RIMS2: variants seen among roughly 807,000 people sequenced by gnomAD.
RIMS2 encodes regulating synaptic membrane exocytosis 2, also known as regulating synaptic membrane exocytosis protein 2.
RIMS2 carries 59 observed loss-of-function variants against 174.4 expected under a neutral mutation model. That is an observed-to-expected ratio of 0.34 (90% CI 0.27 to 0.42). The LOEUF is 0.42. RIMS2 is among the 10% of genes least tolerant of loss of function. The pLI, the probability that RIMS2 is intolerant of heterozygous loss-of-function variation, is 1.00. For missense variants in RIMS2, 1,620 were observed against 1,666.3 expected, an observed-to-expected ratio of 0.97 and a Z score of 0.48; for synonymous variants, 606 against 572.5, an observed-to-expected ratio of 1.06 and a Z score of -0.84.
exon 1 of RIMS2, chr8:103,500,826 T>A: frequency 8.7e-7 from 1 of 1,149,690 alleles, no homozygotes; most frequent in Non-Finnish European, 1.2e-6. Flanking sequence ...GCCGCGCCGG[T>A]GCCGCCGCTG....
chr8:103,910,975 G>A (rs2075565833), intron 5 of RIMS2, among the ~76,000 whole-genome samples: 1 of 151,992 alleles, frequency 6.6e-6, no homozygotes, highest in African/African-American at 2.4e-5. Flanking sequence ...AGAAAAAGTT[G>A]TTTTTCTTTT....
chr8:104,198,403 A>G (rs904781903), intron 19 of RIMS2, among the ~76,000 whole-genome samples: 1 of 152,216 alleles, frequency 6.6e-6, no homozygotes, highest in Non-Finnish European at 1.5e-5. Flanking sequence ...ATAAAACAAG[A>G]CAGAAGGAGA....
intron 2 of RIMS2, among the ~76,000 whole-genome samples, chr8:103,731,994 G>C (rs1257766260): frequency 2.6e-5 from 4 of 152,166 alleles, no homozygotes. Context: ...GCTTGTTGAT[G>C]TTTGTTGATG....
chr8:104,035,339 C>T (rs1362154346), intron 19 of RIMS2, among the ~76,000 whole-genome samples: 1 of 151,496 alleles, frequency 6.6e-6, no homozygotes, highest in African/African-American at 2.4e-5. Context: ...TGAAAATATT[C>T]AGAGTAACAA....
At chr8:104,016,108 T>C (rs2095896193) in intron 19 of RIMS2, among the ~76,000 whole-genome samples, 1 of 152,086 alleles carries the variant, frequency 6.6e-6, no homozygotes, top group East Asian at 1.9e-4. Context: ...CTACCAGTTA[T>C]GGAAATCTGA....
At chr8:103,828,030 T>C (rs532842655) in intron 3 of RIMS2, among the ~76,000 whole-genome samples, 58 of 152,334 alleles carry the variant, frequency 3.8e-4, no homozygotes, top group African/African-American at 1.3e-3. Flanking sequence ...AAACCAACTT[T>C]GCATTTCTGG....
At chr8:103,686,864 C>A (rs1185994036) in intron 1 of RIMS2, among the ~76,000 whole-genome samples, 1 of 152,050 alleles carries the variant, frequency 6.6e-6, no homozygotes, top group East Asian at 1.9e-4. Context: ...TGGACTCAAG[C>A]AATCCTCCTG....
intron 19 of RIMS2, among the ~76,000 whole-genome samples, chr8:104,107,363 C>G (rs1171706962): frequency 6.6e-6 from 1 of 152,074 alleles, no homozygotes; most frequent in African/African-American, 2.4e-5. Flanking sequence ...CCCATTTTCT[C>G]CCCTGTGATA....
At chr8:104,078,544 T>G (rs2097344859) in intron 19 of RIMS2, among the ~76,000 whole-genome samples, 3 of 152,172 alleles carry the variant, frequency 2.0e-5, no homozygotes, top group Admixed American at 1.3e-4. Flanking sequence ...CATTTTACCT[T>G]AATTACCTCT....
At chr8:103,535,163 A>T (rs1398644655) in intron 1 of RIMS2, among the ~76,000 whole-genome samples, 2 of 152,214 alleles carry the variant, frequency 1.3e-5, no homozygotes, top group Non-Finnish European at 2.9e-5. Flanking sequence ...TGAATGTCAG[A>T]ACTTTCTCTT....
At chr8:104,251,211 G>A (rs1476389564) in intron 23 of RIMS2, 48 bp downstream of exon 29, 2 of 1,462,022 alleles carry the variant, frequency 1.4e-6, no homozygotes, top group Non-Finnish European at 9.4e-7. Context: ...ATTTTTCATG[G>A]GGTCAGACAT....
At chr8:104,106,071 A>AGAG (rs372772023) in intron 19 of RIMS2, among the ~76,000 whole-genome samples, 321 of 149,178 alleles carry the variant, frequency 2.2e-3, no homozygotes, top group Non-Finnish European at 3.7e-3. Context: ...AAAAAGAGAA[A>AGAG]GAGAAAAGAA....
At chr8:103,921,048 A>C (rs202074830) in intron 9 of RIMS2, 87 of 196,984 alleles carry the variant, frequency 4.4e-4, no homozygotes, top group South Asian at 2.2e-3. Context: ...ACAACAACAA[A>C]AACAGGTCTT....
chr8:103,748,278 C>CA (rs1462470827), intron 2 of RIMS2, among the ~76,000 whole-genome samples: 2 of 151,076 alleles, frequency 1.3e-5, no homozygotes, highest in African/African-American at 4.9e-5. Context: ...CCTGTCTCTA[C>CA]AAAAAATAAA....
At chr8:103,566,892 A>G (rs1563807493) in intron 1 of RIMS2, among the ~76,000 whole-genome samples, 1 of 152,168 alleles carries the variant, frequency 6.6e-6, no homozygotes, top group South Asian at 2.1e-4. Context: ...GCTTTCTAGT[A>G]TATTCTCAGA....
chr8:103,590,719 A>G (rs1161737066), intron 1 of RIMS2, among the ~76,000 whole-genome samples: 1 of 151,170 alleles, frequency 6.6e-6, no homozygotes, highest in African/African-American at 2.4e-5. Context: ...CTTGTAGATA[A>G]ACTTCATATT....
At chr8:104,136,542 CA>C (rs527765210) in intron 19 of RIMS2, among the ~76,000 whole-genome samples, 96 of 152,218 alleles carry the variant, frequency 6.3e-4, no homozygotes, top group African/African-American at 2.2e-3. Flanking sequence ...TTCATAGAAT[CA>C]ACCTAAATGC....
At chr8:103,755,255 C>T (rs755483794) in intron 2 of RIMS2, among the ~76,000 whole-genome samples, 3 of 151,558 alleles carry the variant, frequency 2.0e-5, no homozygotes, top group Non-Finnish European at 4.4e-5. Context: ...TGAATATTGG[C>T]CCCCACTCCG....
chr8:103,855,026 C>A (rs2099019945), intron 3 of RIMS2, among the ~76,000 whole-genome samples: 1 of 151,898 alleles, frequency 6.6e-6, no homozygotes, highest in Admixed American at 6.6e-5. Flanking sequence ...ATTACTAATG[C>A]AATTTCAGAG....
Sources: allele counts gnomAD v4.1 joint callset (sites outside exome capture counted in the v4.1 genomes callset), GRCh38; gene constraint gnomAD v4.1.1; transcripts MANE v1.5; gene names NCBI Gene and HGNC (gene_info 2026-07-23, HGNC 2026-07-21).